The following BCR variants were observed in gnomAD, a reference collection of about 807,000 sequenced individuals.
The protein encoded by BCR is breakpoint cluster region protein.
A neutral mutation model predicts 138.6 loss-of-function variants in BCR; 58 were observed. That is an observed-to-expected ratio of 0.42 (90% CI 0.34 to 0.52). The LOEUF is 0.52. Among genes scored for constraint, BCR ranks in the 20% least tolerant of loss-of-function variants. BCR has a pLI of 0.06. For synonymous variants in BCR, 786 were observed against 730.1 expected (o/e 1.08, Z -1.23); for missense variants, 1,599 against 1,727.2 (o/e 0.93, Z 1.32).
chr22:23,203,552 G>A (rs1284661192), intron 1 of BCR, among the ~76,000 whole-genome samples: 1 of 152,210 alleles, frequency 6.6e-6, no homozygotes, highest in Non-Finnish European at 1.5e-5. Flanking sequence ...CCGATTCCTT[G>A]ATGACCCTCG....
chr22:23,279,556 G>T lies in BCR; in HGVS notation c.2116-4421G>T, dbSNP rs115404026. On this transcript the variant is annotated intron_variant, in intron 8 of 22. Transcript: ENST00000305877. ...TTGCTCTGGGGGCAGGGTAGCGGGG[G>T]CTGAGGCCACTGGCTGCCTCCAGGG... Among the ~76,000 whole-genome samples, 507 of 152,348 alleles carry T rather than the reference G, an allele frequency of 3.3e-3. 4 individuals are homozygous for T. Among genetic ancestry groups the T allele is most frequent in the African/African-American group, 0.012 (479 of 41,578 alleles).
intron 1 of BCR, among the ~76,000 whole-genome samples, chr22:23,183,410 T>C (rs1412674213): frequency 6.6e-6 from 1 of 152,272 alleles, no homozygotes; most frequent in East Asian, 1.9e-4. Flanking sequence ...TTAGAGCTGC[T>C]GCCTTTTTGT....
intron 1 of BCR, among the ~76,000 whole-genome samples, chr22:23,229,947 C>T (rs1464250288): frequency 2.6e-5 from 4 of 152,014 alleles, no homozygotes; most frequent in Non-Finnish European, 4.4e-5. Flanking sequence ...GGAATGGACA[C>T]GTTGTTTGTG....
chr22:23,230,805 AG>A (rs1568944615), intron 1 of BCR, among the ~76,000 whole-genome samples: 1 of 152,178 alleles, frequency 6.6e-6, no homozygotes, highest in African/African-American at 2.4e-5. Context: ...CCTGCATGCC[AG>A]GCCTCACTTG....
chr22:23,213,774 A>G (rs1471717921), intron 1 of BCR, among the ~76,000 whole-genome samples: 4 of 151,866 alleles, frequency 2.6e-5, no homozygotes, highest in African/African-American at 9.7e-5. Flanking sequence ...TCAAGGCTAT[A>G]GTGAGCTATG....
chr22:23,222,692 T>G (rs1364280188), intron 1 of BCR, among the ~76,000 whole-genome samples: 1 of 152,156 alleles, frequency 6.6e-6, no homozygotes, highest in Non-Finnish European at 1.5e-5. Context: ...TGGGCTATGT[T>G]GTCTGGGCCT....
chr22:23,289,960 G>A (rs1053741400), intron 13 of BCR: 1 of 505,990 alleles, frequency 2.0e-6, no homozygotes, highest in Non-Finnish European at 3.6e-6. Context: ...CTACCTGCCA[G>A]CCGGCACTTT....
At chr22:23,285,301 C>T in intron 10 of BCR, 100 bp downstream of exon 10, 2 of 1,346,028 alleles carry the variant, frequency 1.5e-6, no homozygotes, top group Non-Finnish European at 2.0e-6. Flanking sequence ...CCTCTGGGCC[C>T]CAGGTCTGGT....
At chr22:23,291,374 T>A (rs1235082488) in intron 14 of BCR, among the ~76,000 whole-genome samples, 1 of 151,760 alleles carries the variant, frequency 6.6e-6, no homozygotes. Context: ...CTGTTTGCGC[T>A]CACATTTACA....
At chr22:23,217,858 C>T (rs6003567) in intron 1 of BCR, among the ~76,000 whole-genome samples, 10,232 of 152,154 alleles carry the variant, frequency 0.067, 1,163 homozygotes, top group African/African-American at 0.23. Flanking sequence ...CCCGGGTAGG[C>T]GGTGATCTGC....
At chr22:23,257,909 C>T (rs891351466) in intron 2 of BCR, among the ~76,000 whole-genome samples, 2 of 152,184 alleles carry the variant, frequency 1.3e-5, no homozygotes, top group African/African-American at 4.8e-5. Context: ...TGTTTAAGAT[C>T]CACTCATTGA....
At chr22:23,246,711 G>A (rs990339321) in intron 1 of BCR, among the ~76,000 whole-genome samples, 31 of 152,122 alleles carry the variant, frequency 2.0e-4, no homozygotes, top group Non-Finnish European at 1.9e-4. Flanking sequence ...GAGATGATAC[G>A]TGGGTTTTCA....
At chr22:23,207,481 G>C (rs2072630790) in intron 1 of BCR, among the ~76,000 whole-genome samples, 2 of 152,072 alleles carry the variant, frequency 1.3e-5, no homozygotes, top group Non-Finnish European at 2.9e-5. Flanking sequence ...AAATTAGCCA[G>C]GTGTTTTGGT....
chr22:23,298,017 C>T (rs773123641), intron 16 of BCR, among the ~76,000 whole-genome samples: 6 of 152,188 alleles, frequency 3.9e-5, no homozygotes, highest in Non-Finnish European at 8.8e-5. Context: ...AAAACCCGAG[C>T]TGGACAGCAG....
chr22:23,204,096 G>A (rs1395753384), intron 1 of BCR, among the ~76,000 whole-genome samples: 5 of 152,194 alleles, frequency 3.3e-5, no homozygotes, highest in Non-Finnish European at 7.3e-5. Flanking sequence ...GGGGAGGAAA[G>A]GAGAGGAATG....
intron 8 of BCR, chr22:23,283,772 A>C: frequency 3.3e-6 from 2 of 605,658 alleles, no homozygotes; most frequent in Non-Finnish European, 5.4e-6. Context: ...AAGAAGTTAC[A>C]CATAAGCCCT....
intron 4 of BCR, chr22:23,261,775 T>G (rs2073360090): frequency 7.4e-6 from 2 of 272,010 alleles, no homozygotes; most frequent in African/African-American, 4.5e-5. Context: ...GATAGTTATT[T>G]TTAAAAAGAG....
In BCR at chr22:23,181,564, T is replaced by A. The variant is rs764916824; in HGVS notation, c.604T>A (p.Ser202Thr). ...NDKEVSDRISSLGSQAMQMER... is the reference protein window; with the variant it reads ...NDKEVSDRISTLGSQAMQMER... ...CAAAGAGGTGTCGGACCGCATCAGC[T>A]CCCTGGGCAGCCAGGCCATGCAGAT... Residue 202 changes from serine to threonine, a missense_variant, in exon 1 of 23, where the codon TCC (serine) becomes ACC (threonine). By Grantham distance (58) the Ser-to-Thr change is moderately conservative (BLOSUM62 1). Transcript: ENST00000305877. The A allele has an allele frequency of 1.9e-6, 3 of 1,612,878 alleles. No homozygotes were observed. The highest frequency in any genetic ancestry group is 1.6e-4 in the Middle Eastern group (1 of 6,062).
At chr22:23,277,494 C>T (rs1249844080) in intron 8 of BCR, among the ~76,000 whole-genome samples, 1 of 152,114 alleles carries the variant, frequency 6.6e-6, no homozygotes, top group African/African-American at 2.4e-5. Flanking sequence ...CTTTTAGCTC[C>T]GCACACTACC....
Sources: allele counts gnomAD v4.1 joint callset (sites outside exome capture counted in the v4.1 genomes callset), GRCh38; gene constraint gnomAD v4.1.1; transcripts MANE v1.5; gene names NCBI Gene and HGNC (gene_info 2026-07-23, HGNC 2026-07-21).